Variants in MAU2 observed in about 807,000 individuals in gnomAD.
The protein encoded by MAU2 is MAU2 sister chromatid cohesion factor, also known as MAU2 chromatid cohesion factor homolog.
A neutral mutation model predicts 89.1 loss-of-function variants in MAU2; 9 were observed. The observed-to-expected ratio is 0.10, with a 90% confidence interval of 0.06 to 0.18. The LOEUF (loss-of-function observed/expected upper bound fraction) is 0.18. Ranked by LOEUF, MAU2 falls within the 10% of genes least tolerant of loss-of-function variation. MAU2 has a pLI of 1.00. For synonymous variants in MAU2, 357 were observed against 343.4 expected, an observed-to-expected ratio of 1.04 and a Z score of -0.44; for missense variants, 425 against 803.5, an observed-to-expected ratio of 0.53 and a Z score of 5.69.
At chr19:19,332,525 A>G (rs17751109) in intron 1 of MAU2, among the ~76,000 whole-genome samples, 8,444 of 152,014 alleles carry the variant, frequency 0.056, 346 homozygotes, top group Non-Finnish European at 0.08. Flanking sequence ...GCTAACTCAC[A>G]GTGGATCCAC....
intron 1 of MAU2, among the ~76,000 whole-genome samples, chr19:19,334,758 T>C (rs1266392184): frequency 6.6e-6 from 1 of 152,180 alleles, no homozygotes; most frequent in Non-Finnish European, 1.5e-5. Flanking sequence ...TTTATGGGCT[T>C]TTCAGTGCCT....
At chr19:19,324,695 T>C (rs1036637585) in intron 1 of MAU2, among the ~76,000 whole-genome samples, 6 of 152,224 alleles carry the variant, frequency 3.9e-5, no homozygotes, top group African/African-American at 1.4e-4. Context: ...CAAATGGAAC[T>C]TTGAATCTTG....
At chr19:19,329,191 A>C (rs907796286) in intron 1 of MAU2, 3 of 449,884 alleles carry the variant, frequency 6.7e-6, no homozygotes, top group South Asian at 4.7e-5. Flanking sequence ...CAGGATCACA[A>C]CTGTGTCCTG....
chr19:19,341,857 G>A (rs919071977), intron 7 of MAU2, among the ~76,000 whole-genome samples: 2 of 152,190 alleles, frequency 1.3e-5, no homozygotes, highest in African/African-American at 4.8e-5. Context: ...TGGGTGGGGA[G>A]CGGCTGTGTT....
chr19:19,342,273 T>C (rs2061656038), intron 7 of MAU2, among the ~76,000 whole-genome samples: 1 of 152,114 alleles, frequency 6.6e-6, no homozygotes, highest in Admixed American at 6.5e-5. Flanking sequence ...TGGATAGGCC[T>C]CTCCTGGGCC....
intron 17 of MAU2, 133 bp from the exon 18 acceptor site, chr19:19,355,131 C>T (rs1228037778): frequency 1.7e-6 from 2 of 1,167,424 alleles, no homozygotes; most frequent in South Asian, 1.5e-5. Context: ...GGCTCAGGTC[C>T]AGTGACGTGC....
At chr19:19,354,527 G>C in intron 17 of MAU2, 82 bp downstream of exon 17, 1 of 1,289,850 alleles carries the variant, frequency 7.8e-7, no homozygotes, top group Non-Finnish European at 1.1e-6. Context: ...GTCCTGCTCA[G>C]CCTTAGCTCG....
At chr19:19,339,689 C>A (rs2146682517) in intron 5 of MAU2, 1 of 151,976 alleles carries the variant, frequency 6.6e-6, no homozygotes, top group East Asian at 2.0e-4. Context: ...ACCCAACCGC[C>A]TTCTGGGCTT....
chr19:19,338,068 C>T (rs890433050), intron 4 of MAU2, among the ~76,000 whole-genome samples: 1 of 152,240 alleles, frequency 6.6e-6, no homozygotes, highest in African/African-American at 2.4e-5. Context: ...TCCCATGACA[C>T]CTATGCAGTA....
chr19:19,323,148 A>G (rs963409763), intron 1 of MAU2, among the ~76,000 whole-genome samples: 1 of 151,622 alleles, frequency 6.6e-6, no homozygotes, highest in Non-Finnish European at 1.5e-5. Flanking sequence ...CGGCCTCCCA[A>G]AGTGCTGAGA....
chr19:19,331,092 G>A (rs116329077), intron 1 of MAU2, among the ~76,000 whole-genome samples: 146 of 152,112 alleles, frequency 9.6e-4, no homozygotes, highest in African/African-American at 3.4e-3. Context: ...GACCCCAGGG[G>A]CTGCTGATGG....
intron 1 of MAU2, among the ~76,000 whole-genome samples, chr19:19,326,691 A>T (rs12972691): frequency 0.34 from 36,385 of 107,224 alleles, 9,482 homozygotes; most frequent in South Asian, 0.56. Flanking sequence ...CTCAAAAAAA[A>T]ATATATATAT....
In MAU2 at chr19:19,355,343, C is replaced by G. The variant is rs764621118; in HGVS notation, c.1719C>G (p.Leu573=). The part of the protein sequence containing the change: ...QMHQNFSQQL[L]QDHIEACSLP... ...ACCAGAACTTCTCGCAGCAGCTGCT[C>G]CAGGACCACATTGAGGCCTGCAGCC... Residue 573 remains leucine (L), a synonymous_variant, in exon 18 of 19, where the codon CTC becomes CTG. Transcript: ENST00000262815. The G allele has an allele frequency of 6.2e-7, 1 of 1,614,090 alleles. No individual in the cohort carries two copies. The highest frequency in any genetic ancestry group is 8.5e-7 in the Non-Finnish European group (1 of 1,179,992).
rs143653327 is a variant in MAU2, at chr19:19,334,557, A to G, written c.277-1161A>G. 8.6e-5 allele frequency: 85 copies of G among 985,014 alleles called. No homozygotes were observed. In the East Asian group the frequency reaches 3.0e-3, roughly 34 times the overall value. The allele number at this position is 985,014 out of a possible 1,614,324, so 61.0% of individuals were successfully genotyped here. A position where few individuals can be genotyped will look rare whatever the true frequency, so the allele number is the denominator to read the frequency against. On this transcript the variant is annotated intron_variant, in intron 1 of 18. Coordinates refer to ENST00000262815, the MANE Select transcript of MAU2 (RefSeq NM_015329.4). ...GCTCCTCCGCACTCCCTTCGTGAAT[A>G]CTCTCTGCTGCATCCAGGATGGTCT...
At chr19:19,324,127 A>G (rs1418334664) in intron 1 of MAU2, among the ~76,000 whole-genome samples, 2 of 152,220 alleles carry the variant, frequency 1.3e-5, no homozygotes, top group Non-Finnish European at 2.9e-5. Context: ...GCATATAGTA[A>G]GAGGTTAGGC....
chr19:19,347,130 T>G, intron 12 of MAU2, 150 bp from the exon 13 acceptor site: 3 of 619,550 alleles, frequency 4.8e-6, no homozygotes, highest in Non-Finnish European at 5.8e-6. Context: ...TGTGTTATCC[T>G]TGAGCTTAGG....
chr19:19,348,370 AAAAG>A (rs1208926522), intron 13 of MAU2: 3 of 204,442 alleles, frequency 1.5e-5, no homozygotes, highest in Non-Finnish European at 2.0e-5. Context: ...TCTCAAAGGA[AAAAG>A]AAAGCCCAGC....
chr19:19,348,314 T>C lies in MAU2; in HGVS notation c.1309-575T>C, dbSNP rs1340451527. On this transcript the variant is annotated intron_variant, in intron 13 of 18. Transcript: ENST00000262815. ...GGAGATTGAGGGCTGCAGTGAGCCA[T>C]GATCCAGCCACTGCACTCCAGCCTG... 6 of 177,982 alleles carry C rather than the reference T, an allele frequency of 3.4e-5. No individual in the cohort carries two copies. In the East Asian group the frequency reaches 1.1e-3, roughly 32 times the overall value. 11.0% of individuals were successfully genotyped at this position (177,982 alleles called of 1,614,324 possible). A position where few individuals can be genotyped will look rare whatever the true frequency, so the allele number is the denominator to read the frequency against.
At chr19:19,343,011 G>A in intron 9 of MAU2, 145 bp downstream of exon 9, 1 of 794,940 alleles carries the variant, frequency 1.3e-6, no homozygotes, top group African/African-American at 1.7e-5. Context: ...ACCCCTAGTT[G>A]ATAAATGCTG....
Sources: gnomAD v4.1 joint callset for allele counts (sites outside exome capture counted in the v4.1 genomes callset) on GRCh38, gnomAD v4.1.1 for gene constraint, MANE v1.5 for transcripts, NCBI Gene and HGNC (gene_info 2026-07-23, HGNC 2026-07-21) for gene names.